Variants in DOCK9 observed in about 807,000 individuals in gnomAD.
DOCK9 encodes the protein dedicator of cytokinesis 9, also known as dedicator of cytokinesis protein 9.
DOCK9 carries 89 observed loss-of-function variants against 263.3 expected under a neutral mutation model. That is an observed-to-expected ratio of 0.34 (90% CI 0.28 to 0.40). The LOEUF (loss-of-function observed/expected upper bound fraction) is 0.40. DOCK9 is among the 10% of genes least tolerant of loss of function. The probability of loss-of-function intolerance (pLI) is 1.00; values close to 1 mark genes in which losing one functional copy is unlikely to be tolerated. For missense variants in DOCK9, 2,140 were observed against 2,603.4 expected, an observed-to-expected ratio of 0.82 and a Z score of 3.87; for synonymous variants, 976 against 973.1, an observed-to-expected ratio of 1.00 and a Z score of -0.06.
intron 3 of DOCK9, among the ~76,000 whole-genome samples, chr13:98,929,201 C>T (rs1290210751): frequency 2.6e-5 from 4 of 152,084 alleles, no homozygotes; most frequent in Admixed American, 2.0e-4. Context: ...GAGGAAAAAA[C>T]AAACACTCCA....
chr13:99,046,823 C>T (rs2040455276), intron 1 of DOCK9, among the ~76,000 whole-genome samples: 1 of 152,190 alleles, frequency 6.6e-6, no homozygotes, highest in African/African-American at 2.4e-5. Context: ...GAAGACATCA[C>T]CAGAAATGTC....
intron 30 of DOCK9, 27 bp downstream of exon 30, chr13:98,867,398 A>C: frequency 8.4e-7 from 1 of 1,195,636 alleles, no homozygotes; most frequent in South Asian, 1.3e-5. Flanking sequence ...GTTTGTGAAA[A>C]GGTTAATAGA....
intron 9 of DOCK9, among the ~76,000 whole-genome samples, chr13:98,905,142 C>A (rs982704756): frequency 4.6e-5 from 7 of 152,076 alleles, no homozygotes; most frequent in East Asian, 1.9e-4. Flanking sequence ...TTAATAGAGT[C>A]CAGTCTGTGA....
At chr13:99,028,221 C>T (rs1886976319) in intron 1 of DOCK9, among the ~76,000 whole-genome samples, 1 of 152,158 alleles carries the variant, frequency 6.6e-6, no homozygotes, top group African/African-American at 2.4e-5. Context: ...GCTCCTCAAG[C>T]CACTTAGCCA....
chr13:98,911,916 C>G (rs2139792667), intron 9 of DOCK9, among the ~76,000 whole-genome samples: 1 of 149,574 alleles, frequency 6.7e-6, no homozygotes, highest in Middle Eastern at 3.5e-3. Context: ...GTCACCCAGG[C>G]TAGAGTGCAG....
At chr13:99,071,765 A>T (rs1406361834) in intron 1 of DOCK9, among the ~76,000 whole-genome samples, 4 of 152,156 alleles carry the variant, frequency 2.6e-5, no homozygotes. Flanking sequence ...TCCTTCCACC[A>T]TTCGCTTTAG....
At chr13:98,846,488 G>A (rs769229000) in intron 37 of DOCK9, 4 of 1,340,220 alleles carry the variant, frequency 3.0e-6, no homozygotes, top group South Asian at 1.1e-5. Context: ...CAAAGGAAGG[G>A]ATTATATGAG....
At chr13:99,038,288 C>CCGCTTTTTTTTTTTTTTTTTTTTTTT in intron 1 of DOCK9, among the ~76,000 whole-genome samples, 1 of 86,264 alleles carries the variant, frequency 1.2e-5, no homozygotes, top group Non-Finnish European at 2.2e-5. Context: ...TTATGCCCCC[C>CCGCTTTTTTTTTTTTTTTTTTTTTTT]TTTTTTTTTT....
chr13:99,086,341 G>A (rs2042341424), exon 1 of DOCK9: 11 of 1,449,704 alleles, frequency 7.6e-6, no homozygotes, highest in Admixed American at 2.5e-5. Context: ...GAGCAGCGGC[G>A]GCTGCGACAT....
intron 49 of DOCK9, 135 bp downstream of exon 49, chr13:98,804,864 G>A (rs572327461): frequency 2.5e-6 from 2 of 801,496 alleles, no homozygotes; most frequent in Non-Finnish European, 3.9e-6. Context: ...CTAGATAAAT[G>A]TGAAACTGAA....
chr13:99,057,615 T>TA (rs989643771), intron 1 of DOCK9, among the ~76,000 whole-genome samples: 4 of 152,184 alleles, frequency 2.6e-5, no homozygotes, highest in Non-Finnish European at 2.9e-5. Context: ...TTTGCTGCTT[T>TA]AAAAAAGAAA....
intron 23 of DOCK9, among the ~76,000 whole-genome samples, chr13:98,882,258 G>T (rs1168114980): frequency 6.6e-6 from 1 of 151,972 alleles, no homozygotes; most frequent in Admixed American, 6.6e-5. Context: ...CCATGGAATC[G>T]CAAAGGGCCA....
intron 1 of DOCK9, chr13:99,015,739 G>A: frequency 1.5e-6 from 2 of 1,360,376 alleles, no homozygotes; most frequent in South Asian, 2.0e-5. Context: ...GGAACAGAAG[G>A]GAAGCTCTGA....
chr13:98,981,244 A>C (rs1259753133), upstream of DOCK9, among the ~76,000 whole-genome samples: 1 of 151,986 alleles, frequency 6.6e-6, no homozygotes, highest in East Asian at 1.9e-4. Flanking sequence ...TTCTGTAAAG[A>C]CAGGATTTCA....
chr13:99,002,952 A>C (rs1181833164), intron 1 of DOCK9, among the ~76,000 whole-genome samples: 1 of 119,060 alleles, frequency 8.4e-6, no homozygotes, highest in East Asian at 2.8e-4. Flanking sequence ...TAAGGATGGA[A>C]CAAGTAAATA....
In DOCK9 at chr13:98,915,522, A is replaced by G. The variant is rs779000973; in HGVS notation, c.718-19T>C. On this transcript the variant is annotated intron_variant, in intron 7 of 52. Transcript: ENST00000682017. ...TGTTGTTCTGAAATGAAAAAAGGAT[A>G]AACAGACATACTTTAAAAGAATTAG... 6 of 1,600,646 alleles carry G rather than the reference A, an allele frequency of 3.7e-6. No homozygotes were observed. The highest frequency in any genetic ancestry group is 5.1e-6 in the Non-Finnish European group (6 of 1,174,632).
At chr13:99,036,136 G>T (rs1296898334) in intron 1 of DOCK9, among the ~76,000 whole-genome samples, 1 of 152,148 alleles carries the variant, frequency 6.6e-6, no homozygotes, top group African/African-American at 2.4e-5. Flanking sequence ...ATACATGGAT[G>T]TATAATACAT....
chr13:99,060,399 A>G (rs568552907), intron 1 of DOCK9, among the ~76,000 whole-genome samples: 3 of 152,190 alleles, frequency 2.0e-5, no homozygotes, highest in Admixed American at 2.0e-4. Context: ...CTTTTTGGCT[A>G]TTATCCATAA....
chr13:98,917,224 C>T (rs2051031023), intron 7 of DOCK9, among the ~76,000 whole-genome samples: 1 of 152,182 alleles, frequency 6.6e-6, no homozygotes, highest in Non-Finnish European at 1.5e-5. Context: ...GGCAGCAAAA[C>T]TCTCTTATAA....
Sources: allele counts gnomAD v4.1 joint callset (sites outside exome capture counted in the v4.1 genomes callset), GRCh38; gene constraint gnomAD v4.1.1; transcripts MANE v1.5; gene names NCBI Gene and HGNC (gene_info 2026-07-23, HGNC 2026-07-21).